Variants in UACA observed in about 807,000 individuals in gnomAD.
The protein encoded by UACA is uveal autoantigen with coiled-coil domains and ankyrin repeats, also known as nuclear membrane binding protein.
UACA carries 112 observed loss-of-function variants against 160.5 expected under a neutral mutation model. That is an observed-to-expected ratio of 0.70 (90% CI 0.60 to 0.82). UACA has a LOEUF of 0.82. Among genes scored for constraint, UACA ranks in the 40% least tolerant of loss-of-function variants. The pLI, the probability that UACA is intolerant of heterozygous loss-of-function variation, is 0.00. For missense variants in UACA, 1,574 were observed against 1,614.6 expected, an observed-to-expected ratio of 0.97 and a Z score of 0.43; for synonymous variants, 557 against 568.4, an observed-to-expected ratio of 0.98 and a Z score of 0.29.
chr15:70,669,896 T>G (rs988433318), intron 15 of UACA, among the ~76,000 whole-genome samples: 3 of 152,216 alleles, frequency 2.0e-5, no homozygotes, highest in African/African-American at 7.2e-5. Flanking sequence ...TAAAAACAAG[T>G]ACTGCGATTT....
chr15:70,715,631 A>G (rs990951770), intron 1 of UACA, among the ~76,000 whole-genome samples: 1 of 152,188 alleles, frequency 6.6e-6, no homozygotes, highest in African/African-American at 2.4e-5. Context: ...TCTTCCTTTT[A>G]TTTATTAAAT....
chr15:70,671,018 A>T (rs754380476), intron 15 of UACA, 21 bp downstream of exon 15: 9 of 975,908 alleles, frequency 9.2e-6, no homozygotes, highest in Admixed American at 6.6e-5. Flanking sequence ...TTTTAAAATT[A>T]AAAAAAAAAA....
At chr15:70,716,592 A>C (rs1458366561) in intron 1 of UACA, among the ~76,000 whole-genome samples, 2 of 152,192 alleles carry the variant, frequency 1.3e-5, no homozygotes, top group South Asian at 4.1e-4. Context: ...AATTTTATAG[A>C]TATAAGAGCA....
At chr15:70,659,391 G>GTTTTTTTTTTTTTTTTTTTTTT (rs1375150038) in intron 18 of UACA, among the ~76,000 whole-genome samples, 1 of 9,956 alleles carries the variant, frequency 1.0e-4, no homozygotes, top group Non-Finnish European at 4.2e-4. Flanking sequence ...TTCATTTTTT[G>GTTTTTTTTTTTTTTTTTTTTTT]TTTGTTTTTT....
At chr15:70,737,988 G>C (rs188603200) in intron 1 of UACA, among the ~76,000 whole-genome samples, 344 of 152,224 alleles carry the variant, frequency 2.3e-3, no homozygotes, top group African/African-American at 7.9e-3. Context: ...TGCAACTTGT[G>C]ATTCCCTTCC....
rs145766509 is a variant in UACA, at chr15:70,685,709, G to A, written c.603-1263C>T. ...ACATAGATAAAGTGCTTTGAAAAATGTGAGAGCTATAAAAAATATAAAGCA... is the reference window on the plus strand; with the variant it reads ...ACATAGATAAAGTGCTTTGAAAAATATGAGAGCTATAAAAAATATAAAGCA... On this transcript the variant is annotated intron_variant, in intron 7 of 18. Coordinates refer to ENST00000322954, the MANE Select transcript of UACA (RefSeq NM_018003.4). Among the ~76,000 whole-genome samples the A allele has an allele frequency of 1.6e-3, 247 of 152,218 alleles. 5 individuals carry two copies. In the East Asian group the frequency reaches 0.037, roughly 23 times the overall value.
chr15:70,679,493 C>T (rs1897414561), intron 10 of UACA, 115 bp downstream of exon 10: 1 of 553,292 alleles, frequency 1.8e-6, no homozygotes, highest in East Asian at 3.5e-5. Context: ...ACGAGCTTCC[C>T]TTTCTTTGCC....
At chr15:70,661,756 T>C (rs780843531) in intron 17 of UACA, 2 of 152,074 alleles carry the variant, frequency 1.3e-5, no homozygotes, top group Non-Finnish European at 2.9e-5. Context: ...CAAGACCCCA[T>C]TGGAGACAAG....
In UACA at chr15:70,667,033, T is replaced by C. The variant is rs776830335; in HGVS notation, c.3651A>G (p.Lys1217=). 6.2e-7 allele frequency: 1 copy of C among 1,613,444 alleles called. No homozygotes were observed. The highest frequency in any genetic ancestry group is 1.1e-5 in the South Asian group (1 of 91,002). ...EVQNTKQALK[K]LETREVVDLS... ...AGTCAACTACCTCTCTAGTCTCTAA[T>C]TTTTTTAATGCTTGTTTAGTATTCT... The change falls in exon 16 of 19, where the codon AAA becomes AAG. Residue 1217 remains lysine, a synonymous_variant. Transcript: ENST00000322954.
chr15:70,720,455 C>A (rs534621029), intron 1 of UACA, among the ~76,000 whole-genome samples: 4 of 152,140 alleles, frequency 2.6e-5, no homozygotes, highest in Non-Finnish European at 4.4e-5. Context: ...CAGGCATGAG[C>A]CACCATGCCC....
intron 7 of UACA, among the ~76,000 whole-genome samples, chr15:70,686,218 TG>T (rs1335102102): frequency 2.0e-5 from 3 of 151,660 alleles, no homozygotes; most frequent in African/African-American, 7.3e-5. Flanking sequence ...CAGGAGGTCC[TG>T]AGAATGGGTG....
At chr15:70,663,576 T>C (rs2140890918) in intron 17 of UACA, among the ~76,000 whole-genome samples, 1 of 152,224 alleles carries the variant, frequency 6.6e-6, no homozygotes, top group African/African-American at 2.4e-5. Context: ...ACACATATGT[T>C]TATTGCGGCA....
chr15:70,703,137 T>C (rs1478725604), intron 1 of UACA: 2 of 1,289,032 alleles, frequency 1.6e-6, no homozygotes, highest in East Asian at 5.5e-5. Flanking sequence ...ATTTCTTACA[T>C]TACCAAGGCC....
At position 70,699,620 on chromosome 15, in the gene UACA, TTCA is replaced by T. The variant is rs1386137188; in HGVS notation, c.116_118del (p.Met39del). The T allele has an allele frequency of 6.2e-7, 1 of 1,611,788 alleles. No homozygotes were observed. Among genetic ancestry groups the T allele is most frequent in the Non-Finnish European group, 8.5e-7 (1 of 1,179,432 alleles). The stretch of plus-strand genomic sequence containing the variant: ...TTCTACATCCCCCCTTTCTGCTGCT[TTCA>T]TCAATCGGTCATCATATTTATTCCA... On this transcript the variant is annotated inframe_deletion, in exon 2 of 19. Coordinates refer to ENST00000322954, the MANE Select transcript of UACA (RefSeq NM_018003.4).
At chr15:70,672,748 C>T (rs1258422405) in intron 13 of UACA, among the ~76,000 whole-genome samples, 1 of 152,096 alleles carries the variant, frequency 6.6e-6, no homozygotes, top group Non-Finnish European at 1.5e-5. Context: ...CACTTGAGCC[C>T]AGGAGTTCAA....
intron 5 of UACA, 58 bp downstream of exon 5, chr15:70,690,396 A>T: frequency 6.8e-7 from 1 of 1,469,712 alleles, no homozygotes; most frequent in Non-Finnish European, 9.5e-7. Context: ...CCCTGAAATT[A>T]ATTCAAATGA....
intron 1 of UACA, among the ~76,000 whole-genome samples, chr15:70,711,620 A>T (rs2140979674): frequency 6.6e-6 from 1 of 152,342 alleles, no homozygotes; most frequent in South Asian, 2.1e-4. Flanking sequence ...CCCCATTTAC[A>T]GTGCTAGATA....
intron 1 of UACA, among the ~76,000 whole-genome samples, chr15:70,715,341 C>A (rs1251599559): frequency 6.6e-6 from 1 of 151,840 alleles, no homozygotes; most frequent in Admixed American, 6.6e-5. Flanking sequence ...AAGTAAAAGG[C>A]AAAACAGATA....
At chr15:70,725,770 T>C (rs1485772616) in intron 1 of UACA, among the ~76,000 whole-genome samples, 1 of 152,032 alleles carries the variant, frequency 6.6e-6, no homozygotes, top group Non-Finnish European at 1.5e-5. Flanking sequence ...AAGGAAGGTT[T>C]TCAAGAATTC....
Sources: allele counts gnomAD v4.1 joint callset (sites outside exome capture counted in the v4.1 genomes callset), GRCh38; gene constraint gnomAD v4.1.1; transcripts MANE v1.5; gene names NCBI Gene and HGNC (gene_info 2026-07-23, HGNC 2026-07-21).